The following EML6 variants were observed in gnomAD, a reference collection of about 807,000 sequenced individuals.
EML6 encodes echinoderm microtubule-associated protein-like 6.
EML6 carries 154 observed loss-of-function variants against 240.1 expected under a neutral mutation model. The observed-to-expected ratio is 0.64, with a 90% CI of 0.56 to 0.73. The LOEUF is 0.73. Ranked by LOEUF, EML6 falls within the 30% of genes least tolerant of loss-of-function variation. EML6 has a pLI of 0.00. For synonymous variants in EML6, 1,148 were observed against 899.0 expected (o/e 1.28, Z -4.95); for missense variants, 2,964 against 2,474.6 (o/e 1.20, Z -4.20).
chr2:54,752,855 C>A (rs555877533), intron 2 of EML6, among the ~76,000 whole-genome samples: 1 of 152,266 alleles, frequency 6.6e-6, no homozygotes, highest in African/African-American at 2.4e-5. Flanking sequence ...GTGGCACGAT[C>A]ACGGCTTACT....
intron 25 of EML6, 127 bp from the exon 26 acceptor site, chr2:54,916,632 C>A (rs753363898): frequency 1.6e-5 from 10 of 640,022 alleles, no homozygotes; most frequent in Non-Finnish European, 2.5e-5. Context: ...AATTTGTGTA[C>A]CTCAGCACTC....
intron 28 of EML6, among the ~76,000 whole-genome samples, chr2:54,943,377 A>C (rs1675527305): frequency 1.3e-5 from 2 of 152,152 alleles, no homozygotes; most frequent in Admixed American, 6.5e-5. Flanking sequence ...TCCCACAGCC[A>C]GATCCATGTC....
rs1673942211 is a variant in EML6, at chr2:54,916,860, T to C, written c.3600T>C (p.Ser1200=). 1.3e-6 allele frequency: 2 copies of C among 1,550,994 alleles called. No homozygotes were observed. The highest frequency in any genetic ancestry group is 2.0e-5 in the Admixed American group (1 of 50,988). ...HSDITDVNAA[S]LTKDCSLLAT... ...ATATAACTGACGTAAATGCTGCCAG[T>C]CTTACCAAAGACTGTTCCCTTTTAG... The change falls in exon 26 of 42, where the codon AGT becomes AGC. Residue 1200 remains serine, a synonymous_variant. Coordinates refer to ENST00000356458, the MANE Select transcript of EML6 (RefSeq NM_001039753.4).
chr2:54,743,206 G>T (rs988106205), intron 2 of EML6, among the ~76,000 whole-genome samples: 2 of 152,180 alleles, frequency 1.3e-5, no homozygotes, highest in Non-Finnish European at 2.9e-5. Flanking sequence ...ACGTCGCAGG[G>T]TGCACGCACA....
chr2:54,886,068 A>G (rs1310427170), intron 17 of EML6, among the ~76,000 whole-genome samples: 6 of 151,928 alleles, frequency 3.9e-5, no homozygotes, highest in African/African-American at 1.2e-4. Flanking sequence ...AGGGAATAGC[A>G]TAATGAACCT....
At chr2:54,801,829 C>T (rs1266186403) in intron 2 of EML6, among the ~76,000 whole-genome samples, 4 of 152,184 alleles carry the variant, frequency 2.6e-5, no homozygotes, top group Non-Finnish European at 5.9e-5. Context: ...AAACGTCATG[C>T]CATCACTTCT....
At chr2:54,909,093 T>G (rs1042326700) in intron 24 of EML6, among the ~76,000 whole-genome samples, 4 of 152,254 alleles carry the variant, frequency 2.6e-5, no homozygotes, top group Non-Finnish European at 4.4e-5. Flanking sequence ...AAGTGAGTTG[T>G]TGGGATTTAT....
At chr2:54,863,544 T>C (rs1670796166) in intron 12 of EML6, among the ~76,000 whole-genome samples, 1 of 152,086 alleles carries the variant, frequency 6.6e-6, no homozygotes, top group African/African-American at 2.4e-5. Context: ...TTAGTCTGCC[T>C]GGTGGGTGGT....
Position 54,725,016 on chromosome 2 carries a change from G to T in EML6, c.-46G>T, listed in dbSNP as rs554556276. ...CCGCAGCCCCAGCCTCGGCGAGGAC[G>T]GCCCCGGCGCGCGGGGGGGCGGGGG... On this transcript the variant is annotated 5_prime_UTR_variant, in exon 2 of 42. Coordinates refer to ENST00000356458, the MANE Select transcript of EML6 (RefSeq NM_001039753.4). This position sits in a 1 kb window ranked among gnomAD's most constrained non-coding sequence, Gnocchi z 4.3. 9.0e-5 allele frequency: 128 copies of T among 1,429,164 alleles called. No individual in the cohort carries two copies. Among genetic ancestry groups the T allele is most frequent in the Admixed American group, 4.2e-4 (14 of 33,320 alleles). 88.5% of individuals were successfully genotyped at this position (1,429,164 alleles called of 1,614,324 possible).
At chr2:54,859,815 C>G (rs1670580980) in intron 12 of EML6, 114 bp downstream of exon 12, 1 of 788,958 alleles carries the variant, frequency 1.3e-6, no homozygotes, top group Non-Finnish European at 1.9e-6. Flanking sequence ...AAAATTGATT[C>G]CTGTAATCTT....
chr2:54,926,740 C>A (rs947750682), intron 26 of EML6, among the ~76,000 whole-genome samples: 5 of 152,200 alleles, frequency 3.3e-5, no homozygotes, highest in African/African-American at 1.2e-4. Flanking sequence ...GGAATCTCTG[C>A]CTTGTTATAT....
Position 54,968,761 on chromosome 2 carries a change from G to T in EML6, c.5845G>T (p.Asp1949Tyr). The T allele has an allele frequency of 6.5e-7, 1 of 1,527,080 alleles. No individual in the cohort carries two copies. Among genetic ancestry groups the T allele is most frequent in the South Asian group, 1.2e-5 (1 of 83,548 alleles). 94.6% of individuals were successfully genotyped at this position (1,527,080 alleles called of 1,614,324 possible). A position where few individuals can be genotyped will look rare whatever the true frequency, so the allele number is the denominator to read the frequency against. ...GTATGTGGTCAGCACTGGAGGAGAC[G>T]ACTGCAGGTACTAACGTAGCTGACC... is the stretch of plus-strand genomic sequence containing the variant. Reference protein sequence around the residue: ...DKYVVSTGGDDCSVFVWRCL With the variant: ...DKYVVSTGGDYCSVFVWRCL Residue 1949 changes from aspartate (D) to tyrosine (Y), a missense_variant, in exon 41 of 42, where the codon GAC (aspartate) becomes TAC (tyrosine). By Grantham distance (160) the Asp-to-Tyr change is radical. Coordinates refer to ENST00000356458, the MANE Select transcript of EML6 (RefSeq NM_001039753.4).
At chr2:54,835,235 C>T (rs1275720165) in intron 7 of EML6, among the ~76,000 whole-genome samples, 2 of 152,196 alleles carry the variant, frequency 1.3e-5, no homozygotes, top group African/African-American at 4.8e-5. Context: ...TTGTAACATA[C>T]AGTATAATTT....
intron 26 of EML6, among the ~76,000 whole-genome samples, chr2:54,917,421 G>T (rs991536525): frequency 6.8e-6 from 1 of 147,652 alleles, no homozygotes; most frequent in Admixed American, 6.9e-5. Context: ...CTGGAGTGCA[G>T]TGGCGCCATC....
chr2:54,903,916 T>G (rs892428272), intron 24 of EML6, among the ~76,000 whole-genome samples: 7 of 152,134 alleles, frequency 4.6e-5, no homozygotes, highest in African/African-American at 7.2e-5. Context: ...CAAGCAAATT[T>G]CCTCCTCCAG....
intron 2 of EML6, among the ~76,000 whole-genome samples, chr2:54,794,448 G>T (rs1669641602): frequency 6.6e-6 from 1 of 152,102 alleles, no homozygotes; most frequent in South Asian, 2.1e-4. Context: ...TTAGTTCTCA[G>T]TCCTCTTCCC....
intron 17 of EML6, chr2:54,882,937 C>G (rs1469167868): frequency 6.7e-6 from 1 of 149,394 alleles, no homozygotes; most frequent in African/African-American, 2.5e-5. Context: ...CAAGTAAGCA[C>G]TTCTGTATTA....
chr2:54,791,818 T>C (rs756324645), intron 2 of EML6, among the ~76,000 whole-genome samples: 46 of 152,222 alleles, frequency 3.0e-4, no homozygotes, highest in Non-Finnish European at 5.4e-4. Flanking sequence ...AGCTGTGCTC[T>C]TGGACAAGTC....
intron 21 of EML6, among the ~76,000 whole-genome samples, chr2:54,895,949 G>C (rs1672739528): frequency 6.6e-6 from 1 of 152,168 alleles, no homozygotes; most frequent in Non-Finnish European, 1.5e-5. Flanking sequence ...TCACATATGT[G>C]GAATCATAAC....
Sources: allele counts gnomAD v4.1 joint callset (sites outside exome capture counted in the v4.1 genomes callset), GRCh38; gene constraint gnomAD v4.1.1; non-coding constraint Gnocchi (gnomAD v3.1); transcripts MANE v1.5; gene names NCBI Gene and HGNC (gene_info 2026-07-23, HGNC 2026-07-21).